Variants in LRRC37A2 observed in about 807,000 individuals in gnomAD.
LRRC37A2 encodes the protein leucine-rich repeat-containing protein 37A2.
LRRC37A2 carries 9 observed loss-of-function variants against 68.8 expected under a neutral mutation model. The observed-to-expected ratio is 0.13, with a 90% CI of 0.08 to 0.23. The LOEUF (loss-of-function observed/expected upper bound fraction) is 0.23. Ranked by LOEUF, LRRC37A2 falls within the 10% of genes least tolerant of loss-of-function variation. LRRC37A2 has a pLI of 1.00. For synonymous variants in LRRC37A2, 63 were observed against 367.6 expected (o/e 0.17, Z 9.48); for missense variants, 168 against 950.4 (o/e 0.18, Z 10.82).
At chr17:46,896,452 A>AAGAAAGAAAGAGAAAG in the LRRC37A2 span, among the ~76,000 whole-genome samples, 161 of 65,878 alleles carry the variant, frequency 2.4e-3, 3 homozygotes, top group Middle Eastern at 0.016. Context: ...GAAAGAAAGA[A>AAGAAAGAAAGAGAAAG]AAAGAAAGAA....
At chr17:47,025,324 A>T in the LRRC37A2 span, among the ~76,000 whole-genome samples, 1 of 152,194 alleles carries the variant, frequency 6.6e-6, no homozygotes, top group African/African-American at 2.4e-5. Flanking sequence ...GACCACCTGC[A>T]TTCATTTGAA....
At chr17:46,940,638 G>T in the LRRC37A2 span, 3 of 1,613,986 alleles carry the variant, frequency 1.9e-6, no homozygotes, top group Non-Finnish European at 2.5e-6. Flanking sequence ...AACTCTGGGA[G>T]GCAGAAGTCC....
the LRRC37A2 span, among the ~76,000 whole-genome samples, chr17:46,785,766 C>T: frequency 6.6e-6 from 1 of 152,136 alleles, no homozygotes; most frequent in Non-Finnish European, 1.5e-5. Flanking sequence ...CAGACTATAC[C>T]TCAGTCAGAG....
the LRRC37A2 span, among the ~76,000 whole-genome samples, chr17:46,491,239 A>G: frequency 6.6e-6 from 1 of 151,040 alleles, no homozygotes; most frequent in Admixed American, 6.6e-5. Context: ...ATGAAGTATA[A>G]TTTATTTGCT....
At chr17:46,774,019 T>G in the LRRC37A2 span, 15 of 1,460,928 alleles carry the variant, frequency 1.0e-5, no homozygotes, top group East Asian at 7.4e-5. Flanking sequence ...GCAGAGGGCC[T>G]GTGCCCTGGC....
chr17:46,655,810 C>T, the LRRC37A2 span, among the ~76,000 whole-genome samples: 1 of 50,694 alleles, frequency 2.0e-5, no homozygotes, highest in Admixed American at 3.0e-4. Context: ...GTAATGGCTC[C>T]AGGTGGGATA....
chr17:46,931,766 A>C, the LRRC37A2 span: 6 of 477,628 alleles, frequency 1.3e-5, no homozygotes, highest in Admixed American at 6.7e-5. Context: ...TAGAAGGTCA[A>C]GAAGAGGTCA....
At chr17:46,490,673 G>A in the LRRC37A2 span, among the ~76,000 whole-genome samples, 3 of 145,732 alleles carry the variant, frequency 2.1e-5, no homozygotes, top group Admixed American at 6.8e-5. Flanking sequence ...GCAGTGAGCC[G>A]ATATCATGCC....
At chr17:46,472,925 T>A in the LRRC37A2 span, among the ~76,000 whole-genome samples, 20 of 68,966 alleles carry the variant, frequency 2.9e-4, no homozygotes, top group African/African-American at 5.5e-4. Context: ...AAAAAAAAAA[T>A]ATATATATAT....
chr17:46,923,099 G>C, the LRRC37A2 span: 5 of 870,906 alleles, frequency 5.7e-6, no homozygotes, highest in South Asian at 1.4e-5. Context: ...GGGAGGGAGG[G>C]TCCTGCGACC....
At chr17:46,716,150 T>G in the LRRC37A2 span, among the ~76,000 whole-genome samples, 1 of 152,142 alleles carries the variant, frequency 6.6e-6, no homozygotes, top group Non-Finnish European at 1.5e-5. Flanking sequence ...GCCTGAGGGG[T>G]CAAACCAGTC....
the LRRC37A2 span, among the ~76,000 whole-genome samples, chr17:46,899,289 A>G: frequency 6.6e-6 from 1 of 152,212 alleles, no homozygotes; most frequent in Admixed American, 6.5e-5. Flanking sequence ...CTGTGGTCCC[A>G]GATACTTAGG....
the LRRC37A2 span, among the ~76,000 whole-genome samples, chr17:46,759,717 CCTTG>C: frequency 6.6e-6 from 1 of 152,154 alleles, no homozygotes; most frequent in Non-Finnish European, 1.5e-5. Context: ...CATCATGTTT[CCTTG>C]CTTTTCTTTT....
the LRRC37A2 span, among the ~76,000 whole-genome samples, chr17:46,715,467 G>A: frequency 6.6e-6 from 1 of 152,114 alleles, no homozygotes; most frequent in Non-Finnish European, 1.5e-5. Context: ...AATTCTATTT[G>A]CATTCTCCTA....
chr17:46,392,336 T>C, the LRRC37A2 span, among the ~76,000 whole-genome samples: 6 of 71,032 alleles, frequency 8.4e-5, 3 homozygotes, highest in East Asian at 1.8e-3. Context: ...GCCCCCTGAA[T>C]AACGGGGATT....
the LRRC37A2 span, among the ~76,000 whole-genome samples, chr17:46,882,343 C>T: frequency 6.6e-6 from 1 of 152,176 alleles, no homozygotes; most frequent in South Asian, 2.1e-4. Flanking sequence ...TGGAATACCT[C>T]TCAACTGAGA....
the LRRC37A2 span, chr17:46,694,339 A>G: frequency 1.7e-6 from 1 of 584,840 alleles, no homozygotes; most frequent in Non-Finnish European, 2.9e-6. Flanking sequence ...GTGAGCTGAG[A>G]TCGTACCACT....
the LRRC37A2 span, chr17:46,936,461 A>G: frequency 9.1e-6 from 9 of 985,200 alleles, no homozygotes; most frequent in South Asian, 2.8e-4. Flanking sequence ...TGAGGTTTCT[A>G]ACTTTCCTCT....
chr17:46,764,585 A>T, the LRRC37A2 span: 1 of 152,290 alleles, frequency 6.6e-6, no homozygotes, highest in Non-Finnish European at 1.5e-5. Context: ...ACTTCGCTGA[A>T]TCCGCCCAGC....
Sources: allele counts gnomAD v4.1 joint callset (sites outside exome capture counted in the v4.1 genomes callset), GRCh38; gene constraint gnomAD v4.1.1; transcripts MANE v1.5; gene names NCBI Gene and HGNC (gene_info 2026-07-23, HGNC 2026-07-21).